The following DSTYK variants were observed in gnomAD, a reference collection of about 807,000 sequenced individuals.
DSTYK encodes the protein dual serine/threonine and tyrosine protein kinase.
A neutral mutation model predicts 98.7 loss-of-function variants in DSTYK; 34 were observed. That is an observed-to-expected ratio of 0.34 (90% confidence interval 0.26 to 0.46). The LOEUF is 0.46. Among genes scored for constraint, DSTYK ranks in the 20% least tolerant of loss-of-function variants. The pLI, the probability that DSTYK is intolerant of heterozygous loss-of-function variation, is 1.00. For synonymous variants in DSTYK, 462 were observed against 457.3 expected (o/e 1.01, Z -0.13); for missense variants, 962 against 1,181.7 (o/e 0.81, Z 2.73).
intron 1 of DSTYK, among the ~76,000 whole-genome samples, chr1:205,197,197 G>A (rs1658893248): frequency 1.3e-5 from 2 of 152,036 alleles, no homozygotes; most frequent in South Asian, 4.1e-4. Flanking sequence ...AGGGTCTGTG[G>A]ACTGGATGGT....
At chr1:205,201,066 C>T (rs1277416282) in intron 1 of DSTYK, among the ~76,000 whole-genome samples, 3 of 151,958 alleles carry the variant, frequency 2.0e-5, no homozygotes, top group African/African-American at 4.8e-5. Flanking sequence ...CCACCATACC[C>T]GGCTAGTTTT....
At chr1:205,161,918 G>A (rs1368957275) in intron 6 of DSTYK, 118 bp downstream of exon 6, 1 of 764,392 alleles carries the variant, frequency 1.3e-6, no homozygotes, top group Non-Finnish European at 1.9e-6. Context: ...GTATATATAT[G>A]TATACACACA....
At chr1:205,194,940 C>T (rs143492753) in intron 1 of DSTYK, among the ~76,000 whole-genome samples, 95 of 152,122 alleles carry the variant, frequency 6.2e-4, no homozygotes, top group Admixed American at 2.0e-3. Context: ...TCAAGTGATT[C>T]TCGTGCCTCA....
chr1:205,208,996 C>T (rs1347213733), intron 1 of DSTYK, among the ~76,000 whole-genome samples: 1 of 152,216 alleles, frequency 6.6e-6, no homozygotes, highest in Admixed American at 6.5e-5. Context: ...CATCTGCACC[C>T]TCCCAGGTTT....
chr1:205,192,582 C>T lies in DSTYK; in HGVS notation c.266-4776G>A, dbSNP rs376261706. ...TGGATGCTCAAAAAACCAAACCAGG[C>T]TGGGCGTAGTGGTTCATGCCTGTAA... On this transcript the variant is annotated intron_variant, in intron 1 of 12. Transcript: ENST00000367162. 1.6e-4 allele frequency among the ~76,000 whole-genome samples: 25 copies of T among 152,158 alleles called. No individual in the cohort carries two copies. In the South Asian group the frequency reaches 5.2e-3, roughly 32 times the overall value.
chr1:205,181,698 G>GTGTGTGTGTGT (rs1553364733), intron 2 of DSTYK, among the ~76,000 whole-genome samples: 1 of 146,704 alleles, frequency 6.8e-6, no homozygotes, highest in Non-Finnish European at 1.5e-5. Context: ...GTGTGTGTGT[G>GTGTGTGTGTGT]GCGGGGCAGG....
intron 1 of DSTYK, among the ~76,000 whole-genome samples, chr1:205,189,631 T>C (rs1258942975): frequency 1.3e-5 from 2 of 152,218 alleles, no homozygotes; most frequent in Non-Finnish European, 2.9e-5. Flanking sequence ...TGAACCTACC[T>C]AGCTACGATT....
chr1:205,190,135 C>T (rs16855238), intron 1 of DSTYK, among the ~76,000 whole-genome samples: 5,092 of 152,220 alleles, frequency 0.033, 253 homozygotes, highest in African/African-American at 0.11. Flanking sequence ...CCTCAACACC[C>T]AACACAATGC....
chr1:205,190,998 T>C (rs1004792906), intron 1 of DSTYK, among the ~76,000 whole-genome samples: 4 of 152,156 alleles, frequency 2.6e-5, no homozygotes, highest in African/African-American at 9.7e-5. Context: ...GGACAGCCAA[T>C]GAAACAGGCT....
chr1:205,149,218 T>C (rs948946480), intron 11 of DSTYK, among the ~76,000 whole-genome samples: 1 of 151,908 alleles, frequency 6.6e-6, no homozygotes, highest in Admixed American at 6.6e-5. Flanking sequence ...TTTTTTTTTT[T>C]AAGTAAATCA....
intron 2 of DSTYK, among the ~76,000 whole-genome samples, chr1:205,175,933 C>T (rs1187277100): frequency 6.6e-6 from 1 of 152,196 alleles, no homozygotes; most frequent in Non-Finnish European, 1.5e-5. Flanking sequence ...TCCCATCCCA[C>T]ACATTTTATC....
At position 205,163,765 on chromosome 1, in the gene DSTYK, A is replaced by C; in HGVS notation, c.1515T>G (p.Ser505=). 6.2e-7 allele frequency: 1 copy of C among 1,614,130 alleles called. No homozygotes were observed. The highest frequency in any genetic ancestry group is 8.5e-7 in the Non-Finnish European group (1 of 1,180,010). ...LERCLQSLEK[S]QDVSVHITSN... is the part of the protein sequence containing the mutation. The stretch of plus-strand genomic sequence containing the variant: ...TGGTGATGTGAACTGAGACATCCTG[A>C]GACTTCTCCAGGCTCTGCAGACATC... The change falls in exon 4 of 13, where the codon TCT becomes TCG. Residue 505 remains serine, a synonymous_variant. Coordinates refer to ENST00000367162, the MANE Select transcript of DSTYK (RefSeq NM_015375.3).
rs1210190350 is a variant in DSTYK, at chr1:205,163,121, C to T, written c.1558-115G>A. 3 of 839,704 alleles carry T rather than the reference C, an allele frequency of 3.6e-6. No individual in the cohort carries two copies. The African/African-American group carries it at 5.0e-5, about 14-fold the overall frequency. The allele number at this position is 839,704 out of a possible 1,614,324, so 52.0% of individuals were successfully genotyped here. A position where few individuals can be genotyped will look rare whatever the true frequency, so the allele number is the denominator to read the frequency against. ...CCAGACTCAGGGTTTCCAAACTTAC[C>T]CCTCAATATATATGCAGAGTCAACT... On this transcript the variant is annotated intron_variant, in intron 4 of 12. Coordinates refer to ENST00000367162, the MANE Select transcript of DSTYK (RefSeq NM_015375.3).
Position 205,169,684 on chromosome 1 carries a change from A to T in DSTYK, c.803T>A (p.Ile268Asn). ...SERDEQELQE[I>N]RKYFSFPVFF... is the part of the protein sequence containing the mutation. ...TACAGGAAAGGAGAAATACTTTCGG[A>T]TTTCCTGAAGCTCTTGCTCATCCCT... Residue 268 changes from isoleucine to asparagine, a missense_variant, in exon 3 of 13, where the codon ATC becomes AAC. Ile to Asn is a moderately radical substitution (Grantham distance 149, BLOSUM62 -3). This residue lies in a region of DSTYK where 660 missense variants were observed against 855.0 expected (regional missense o/e 0.77). Transcript: ENST00000367162. This position sits in a 1 kb window ranked among gnomAD's most constrained non-coding sequence, Gnocchi z 4.0. 1 of 1,614,204 alleles carries T rather than the reference A, an allele frequency of 6.2e-7. No homozygotes were observed. Among genetic ancestry groups the T allele is most frequent in the Non-Finnish European group, 8.5e-7 (1 of 1,180,026 alleles).
rs368970750 is a variant in DSTYK at position 205,162,122 on chromosome 1, C to T, written c.1732G>A (p.Ala578Thr). 43 of 1,614,000 alleles carry T rather than the reference C, an allele frequency of 2.7e-5. No homozygotes were observed. The highest frequency in any genetic ancestry group is 1.1e-4 in the African/African-American group (8 of 74,904). Residue 578 changes from alanine to threonine, a missense_variant, in exon 6 of 13, where the codon GCC becomes ACC. Ala to Thr is a moderately conservative substitution (Grantham distance 58). Around this residue, in one of 4 missense-constraint regions of DSTYK, gnomAD observed 660 missense variants for 855.0 expected, o/e 0.77. Coordinates refer to ENST00000367162, the MANE Select transcript of DSTYK (RefSeq NM_015375.3). ...VAQEAIESLS[A>T]SKLAKSICSQ... Reference sequence around the variant, plus strand: ...CAAATGCTCTTAGCCAATTTGGAGGCGCTGAGGCTCTCAATGGCTTCCTGG... The same window carrying T: ...CAAATGCTCTTAGCCAATTTGGAGGTGCTGAGGCTCTCAATGGCTTCCTGG...
At chr1:205,197,040 C>T (rs746548301) in intron 1 of DSTYK, among the ~76,000 whole-genome samples, 6 of 151,324 alleles carry the variant, frequency 4.0e-5, no homozygotes, top group Non-Finnish European at 8.8e-5. Flanking sequence ...GCTGGGATTA[C>T]AGGCATGAGC....
At chr1:205,178,194 A>G (rs1394694395) in intron 2 of DSTYK, among the ~76,000 whole-genome samples, 1 of 152,120 alleles carries the variant, frequency 6.6e-6, no homozygotes, top group Non-Finnish European at 1.5e-5. Flanking sequence ...TTATAATCCC[A>G]AACACCCCAA....
chr1:205,161,795 A>T (rs1657728369), intron 6 of DSTYK, among the ~76,000 whole-genome samples: 1 of 152,204 alleles, frequency 6.6e-6, no homozygotes, highest in African/African-American at 2.4e-5. Flanking sequence ...TTCTCCCGAG[A>T]GTTAGGAAAA....
At chr1:205,203,593 G>A (rs1243870639) in intron 1 of DSTYK, among the ~76,000 whole-genome samples, 1 of 123,848 alleles carries the variant, frequency 8.1e-6, no homozygotes, top group African/African-American at 3.3e-5. Context: ...GGGGAAGGGA[G>A]GGGGCAGAAT....
Sources: allele counts gnomAD v4.1 joint callset (sites outside exome capture counted in the v4.1 genomes callset), GRCh38; gene constraint gnomAD v4.1.1; regional missense constraint gnomAD v4.1.1; non-coding constraint Gnocchi (gnomAD v3.1); transcripts MANE v1.5; gene names NCBI Gene and HGNC (gene_info 2026-07-23, HGNC 2026-07-21).